Variants in PKHD1L1 observed in about 807,000 individuals in gnomAD.
PKHD1L1 encodes PKHD1 like 1, also known as fibrocystin-L.
In PKHD1L1, 434 loss-of-function variants were observed where a neutral mutation model predicts 462.9. The ratio of observed to expected loss-of-function variants is 0.94; its 90% CI spans 0.87 to 1.02. The LOEUF (loss-of-function observed/expected upper bound fraction) is 1.02. Among genes scored for constraint, PKHD1L1 ranks in the 50% least tolerant of loss-of-function variants. PKHD1L1 has a pLI of 0.00. For missense variants in PKHD1L1, 5,202 were observed against 5,096.1 expected (o/e 1.02, Z -0.63); for synonymous variants, 1,781 against 1,750.0 (o/e 1.02, Z -0.44).
At position 109,377,637 on chromosome 8, in the gene PKHD1L1, G is replaced by GCAAAAGC. The variant is rs1323384220; in HGVS notation, c.164-3732_164-3726dup. ...AATTTTAGATATTGAAGTAATCTGG[G>GCAAAAGC]CAAAAGCTGTTTATTTCCTCGTTCA... On this transcript the variant is annotated intron_variant, in intron 2 of 77. Coordinates refer to ENST00000378402, the MANE Select transcript of PKHD1L1 (RefSeq NM_177531.6). Among the ~76,000 whole-genome samples the GCAAAAGC allele has an allele frequency of 7.2e-5, 11 of 152,226 alleles. No homozygotes were observed. In the East Asian group the frequency reaches 2.1e-3, roughly 29 times the overall value.
rs1337627615 is a variant in PKHD1L1, at chr8:109,491,960, A to G, written c.10202A>G (p.Asp3401Gly). The G allele has an allele frequency of 6.3e-7, 1 of 1,583,006 alleles. No homozygotes were observed. Among genetic ancestry groups the G allele is most frequent in the East Asian group, 2.3e-5 (1 of 44,206 alleles). Residue 3401 changes from aspartate (D) to glycine (G), a missense_variant, in exon 62 of 78, where the codon GAT becomes GGT. Around this residue, in one of 3 missense-constraint regions of PKHD1L1, gnomAD observed 4,497 missense variants for 4,336.8 expected, o/e 1.04. Transcript: ENST00000378402. Reference sequence around the variant, plus strand: ...CCAGGAACCTATCAGAACAGAAAAGATTTAAGTTCAACTCTCTGGCATGCA... The same window carrying G: ...CCAGGAACCTATCAGAACAGAAAAGGTTTAAGTTCAACTCTCTGGCATGCA... ...VWPGTYQNRK[D>G]LSSTLWHAAI...
intron 4 of PKHD1L1, among the ~76,000 whole-genome samples, chr8:109,383,149 ATATATATT>A (rs1812224335): frequency 1.6e-5 from 1 of 62,240 alleles, no homozygotes; most frequent in African/African-American, 7.2e-5. Context: ...TGTATATATT[ATATATATT>A]TATATATAAT....
intron 76 of PKHD1L1, among the ~76,000 whole-genome samples, chr8:109,523,895 C>A (rs574731801): frequency 6.6e-6 from 1 of 152,160 alleles, no homozygotes; most frequent in Non-Finnish European, 1.5e-5. Flanking sequence ...TCTCTGAGAA[C>A]AGAACAAATG....
chr8:109,364,715 C>T (rs1406602298), intron 2 of PKHD1L1, 79 bp downstream of exon 2: 61 of 823,086 alleles, frequency 7.4e-5, no homozygotes, highest in Non-Finnish European at 1.3e-5. Flanking sequence ...GCTTTATGGA[C>T]AAACAAACAA....
intron 2 of PKHD1L1, among the ~76,000 whole-genome samples, chr8:109,372,716 G>A (rs986396578): frequency 2.4e-4 from 36 of 152,192 alleles, no homozygotes; most frequent in African/African-American, 7.5e-4. Context: ...TAACATGAAG[G>A]GTTGTTGAAT....
intron 44 of PKHD1L1, 63 bp downstream of exon 44, chr8:109,454,309 T>C (rs1223289992): frequency 8.7e-7 from 1 of 1,150,296 alleles, no homozygotes; most frequent in Non-Finnish European, 1.2e-6. Flanking sequence ...TTTTAAATAC[T>C]ATGTGTAAAA....
At position 109,491,945 on chromosome 8, in the gene PKHD1L1, A is replaced by G; in HGVS notation, c.10187A>G (p.Tyr3396Cys). 6.3e-7 allele frequency: 1 copy of G among 1,597,834 alleles called. No homozygotes were observed. The highest frequency in any genetic ancestry group is 8.5e-7 in the Non-Finnish European group (1 of 1,169,854). Residue 3396 changes from tyrosine (Y) to cysteine (C), a missense_variant, in exon 62 of 78, where the codon TAT becomes TGT. By Grantham distance (194) the Tyr-to-Cys change is radical. Around this residue, in one of 3 missense-constraint regions of PKHD1L1, gnomAD observed 4,497 missense variants for 4,336.8 expected, o/e 1.04. Coordinates refer to ENST00000378402, the MANE Select transcript of PKHD1L1 (RefSeq NM_177531.6). ...LIALSVWPGT[Y>C]QNRKDLSSTL... ...GCACTTTCGGTTTGGCCAGGAACCT[A>G]TCAGAACAGAAAAGATTTAAGTTCA...
Position 109,456,294 on chromosome 8 carries a change from G to T in PKHD1L1, c.6907G>T (p.Ala2303Ser), listed in dbSNP as rs1484007969. The change falls in exon 46 of 78, where the codon GCT becomes TCT. Residue 2303 changes from alanine (A) to serine (S), a missense_variant. Coordinates refer to ENST00000378402, the MANE Select transcript of PKHD1L1 (RefSeq NM_177531.6). Reference protein sequence around the residue: ...VPVPVTWTRLAHTAKAGERIL... With the variant: ...VPVPVTWTRLSHTAKAGERIL... Reference sequence around the variant, plus strand: ...TGTTCCTGTGACCTGGACTCGCTTGGCTCATACTGCAAAGGCAGGGGAAAG... The same window carrying T: ...TGTTCCTGTGACCTGGACTCGCTTGTCTCATACTGCAAAGGCAGGGGAAAG... The T allele has an allele frequency of 1.9e-6, 3 of 1,612,890 alleles. No individual in the cohort carries two copies. Among genetic ancestry groups the T allele is most frequent in the Non-Finnish European group, 2.5e-6 (3 of 1,179,356 alleles).
chr8:109,391,656 A>G (rs1408372736), intron 9 of PKHD1L1, among the ~76,000 whole-genome samples: 1 of 152,198 alleles, frequency 6.6e-6, no homozygotes, highest in Non-Finnish European at 1.5e-5. Flanking sequence ...GCTATAGTAG[A>G]TTAATAATAG....
intron 45 of PKHD1L1, 139 bp downstream of exon 45, chr8:109,454,991 T>G: frequency 8.6e-7 from 1 of 1,156,254 alleles, no homozygotes. Context: ...AGATATCCCC[T>G]CTTTACCCCT....
Position 109,419,268 on chromosome 8 carries a change from G to C in PKHD1L1, c.2524+8G>C. 1 of 1,571,072 alleles carries C rather than the reference G, an allele frequency of 6.4e-7. No individual in the cohort carries two copies. The highest frequency in any genetic ancestry group is 1.3e-5 in the African/African-American group (1 of 74,340). On this transcript the variant is annotated splice_region_variant and intron_variant, in intron 22 of 77. Coordinates refer to ENST00000378402, the MANE Select transcript of PKHD1L1 (RefSeq NM_177531.6). ...CAATCTCAACATTGGATGGTATGTT[G>C]TATCATTTTATCTCTGCTTTAATCT...
At position 109,406,390 on chromosome 8, in the gene PKHD1L1, C is replaced by T. The variant is rs1269258801; in HGVS notation, c.1725C>T (p.Leu575=). ...EFILQSALND[L]WSIKPDTVQV... ...TACTGCAATCAGCCTTGAATGACCTCTGGTCTATAAAACCGGACACAGTTC... is the reference window on the plus strand; with the variant it reads ...TACTGCAATCAGCCTTGAATGACCTTTGGTCTATAAAACCGGACACAGTTC... The change falls in exon 17 of 78, where the codon CTC becomes CTT. Residue 575 remains leucine (L), a synonymous_variant. Transcript: ENST00000378402. 1 of 1,571,826 alleles carries T rather than the reference C, an allele frequency of 6.4e-7. No individual in the cohort carries two copies. The highest frequency in any genetic ancestry group is 8.6e-7 in the Non-Finnish European group (1 of 1,157,246).
chr8:109,396,941 C>T (rs901249225), intron 11 of PKHD1L1, among the ~76,000 whole-genome samples: 12 of 152,144 alleles, frequency 7.9e-5, no homozygotes, highest in African/African-American at 2.2e-4. Flanking sequence ...TATTAAGCAA[C>T]CTCATGTAAT....
chr8:109,474,880 T>C (rs1817898225), intron 50 of PKHD1L1, among the ~76,000 whole-genome samples: 1 of 152,176 alleles, frequency 6.6e-6, no homozygotes, highest in Non-Finnish European at 1.5e-5. Context: ...CATTTTACTT[T>C]CCAGTTAAAT....
chr8:109,455,303 G>A (rs541168148), intron 45 of PKHD1L1, among the ~76,000 whole-genome samples: 23 of 152,278 alleles, frequency 1.5e-4, no homozygotes, highest in South Asian at 1.0e-3. Flanking sequence ...ACACCACTGC[G>A]CTCTAGGCTG....
chr8:109,391,551 T>C (rs1401846142), intron 9 of PKHD1L1, among the ~76,000 whole-genome samples: 1 of 152,170 alleles, frequency 6.6e-6, no homozygotes, highest in Non-Finnish European at 1.5e-5. Flanking sequence ...CCCAAATTAA[T>C]TGTTCTGCCC....
chr8:109,534,598 A>G lies in PKHD1L1; in HGVS notation c.*4508A>G, dbSNP rs1246326067. Among the ~76,000 whole-genome samples, 1 of 152,178 alleles carries G rather than the reference A, an allele frequency of 6.6e-6. No homozygotes were observed. Among genetic ancestry groups the G allele is most frequent in the Non-Finnish European group, 1.5e-5 (1 of 68,022 alleles). On this transcript the variant is annotated 3_prime_UTR_variant, in exon 78 of 78. Transcript: ENST00000378402. ...GCATTTTCAGCTTCCCCATTATGGTAGTAGCTGCAAGGAGTGTTCAGTCTC... is the reference window on the plus strand; with the variant it reads ...GCATTTTCAGCTTCCCCATTATGGTGGTAGCTGCAAGGAGTGTTCAGTCTC...
At chr8:109,399,962 A>G (rs1813185978) in intron 12 of PKHD1L1, 114 bp from the exon 13 acceptor site, 1 of 1,123,688 alleles carries the variant, frequency 8.9e-7, no homozygotes, top group East Asian at 2.5e-5. Context: ...GTCTGCACAC[A>G]TACTAAAAAT....
chr8:109,389,424 T>C (rs573924676), intron 8 of PKHD1L1, among the ~76,000 whole-genome samples: 1 of 152,256 alleles, frequency 6.6e-6, no homozygotes, highest in African/African-American at 2.4e-5. Flanking sequence ...AATTTGGCTA[T>C]TTTGCCTGTT....
Sources: gnomAD v4.1 joint callset for allele counts (sites outside exome capture counted in the v4.1 genomes callset) on GRCh38, gnomAD v4.1.1 for gene constraint, gnomAD v4.1.1 regional missense constraint, MANE v1.5 for transcripts, NCBI Gene and HGNC (gene_info 2026-07-23, HGNC 2026-07-21) for gene names.